Variants in KAZN observed in about 807,000 individuals in gnomAD.
KAZN encodes kazrin, periplakin interacting protein.
A neutral mutation model predicts 87.4 loss-of-function variants in KAZN; 40 were observed. The ratio of observed to expected loss-of-function variants is 0.46; its 90% CI spans 0.36 to 0.60. The LOEUF is 0.60. Ranked by LOEUF, KAZN falls within the 20% of genes least tolerant of loss-of-function variation. The probability of loss-of-function intolerance (pLI) is 0.00; values close to 1 mark genes in which losing one functional copy is unlikely to be tolerated. For synonymous variants in KAZN, 466 were observed against 458.3 expected (o/e 1.02, Z -0.22); for missense variants, 898 against 1,073.9 (o/e 0.84, Z 2.29).
At chr1:14,383,449 G>T (rs1009126226) in intron 2 of KAZN, among the ~76,000 whole-genome samples, 39 of 151,924 alleles carry the variant, frequency 2.6e-4, no homozygotes, top group African/African-American at 9.4e-4. Flanking sequence ...ATGGTTTTAG[G>T]TCTAACATTT....
intron 1 of KAZN, among the ~76,000 whole-genome samples, chr1:14,662,990 A>AT (rs931738656): frequency 6.8e-6 from 1 of 146,352 alleles, no homozygotes; most frequent in Non-Finnish European, 1.5e-5. Flanking sequence ...TATTTTAGAG[A>AT]GGGGGGATCT....
intron 1 of KAZN, among the ~76,000 whole-genome samples, chr1:14,952,832 G>A (rs755077225): frequency 4.6e-5 from 7 of 152,158 alleles, no homozygotes. Context: ...GCCCTTTTCC[G>A]AAATGATCAT....
chr1:14,698,985 A>G (rs539388074), intron 1 of KAZN, among the ~76,000 whole-genome samples: 3 of 151,832 alleles, frequency 2.0e-5, no homozygotes, highest in Non-Finnish European at 4.4e-5. Flanking sequence ...AAGGCTTCCC[A>G]GGTGAAATGG....
chr1:14,851,283 C>A (rs1050540512), intron 1 of KAZN, among the ~76,000 whole-genome samples: 31 of 152,188 alleles, frequency 2.0e-4, no homozygotes, highest in Admixed American at 4.6e-4. Flanking sequence ...CTGCCCAAGA[C>A]GCCGGCTGAT....
chr1:14,048,371 C>T (rs1314647244), intron 1 of KAZN, among the ~76,000 whole-genome samples: 2 of 151,450 alleles, frequency 1.3e-5, no homozygotes, highest in Non-Finnish European at 2.9e-5. Context: ...TTACAGCAAC[C>T]AAACTAATGT....
At chr1:14,242,924 C>T (rs867127769) in intron 2 of KAZN, among the ~76,000 whole-genome samples, 28 of 152,292 alleles carry the variant, frequency 1.8e-4, no homozygotes, top group Middle Eastern at 3.4e-3. Flanking sequence ...TGAAACAAAA[C>T]GTAAGAACAG....
intron 2 of KAZN, among the ~76,000 whole-genome samples, chr1:14,527,163 A>C (rs1671916796): frequency 1.3e-5 from 2 of 152,204 alleles, no homozygotes; most frequent in African/African-American, 4.8e-5. Context: ...AGTCGTAGTC[A>C]GACTGCTGCT....
intron 3 of KAZN, among the ~76,000 whole-genome samples, chr1:15,041,342 T>G (rs1440746354): frequency 1.5e-5 from 2 of 134,152 alleles, no homozygotes; most frequent in Non-Finnish European, 3.4e-5. Context: ...TTTTTTTTTT[T>G]TTTTGTTTTT....
intron 1 of KAZN, among the ~76,000 whole-genome samples, chr1:14,021,834 A>G (rs932992734): frequency 6.6e-6 from 1 of 152,188 alleles, no homozygotes; most frequent in African/African-American, 2.4e-5. Context: ...ATTTGTTCCA[A>G]CAGCTGCATT....
intron 1 of KAZN, among the ~76,000 whole-genome samples, chr1:14,683,060 C>T (rs958020317): frequency 1.3e-5 from 2 of 152,140 alleles, no homozygotes; most frequent in Non-Finnish European, 2.9e-5. Context: ...AGTGCGAGTT[C>T]CCTATCAGAT....
At chr1:14,380,855 A>C (rs1380052712) in intron 2 of KAZN, among the ~76,000 whole-genome samples, 1 of 152,226 alleles carries the variant, frequency 6.6e-6, no homozygotes, top group Non-Finnish European at 1.5e-5. Flanking sequence ...GAAAGATACC[A>C]ATATCCAAAT....
At chr1:14,334,106 C>T (rs1200469369) in intron 2 of KAZN, among the ~76,000 whole-genome samples, 1 of 151,778 alleles carries the variant, frequency 6.6e-6, no homozygotes, top group Non-Finnish European at 1.5e-5. Flanking sequence ...TGGCTCATGC[C>T]TGTAATCCTA....
At chr1:13,901,244 C>T (rs1348048159) in intron 1 of KAZN, among the ~76,000 whole-genome samples, 2 of 152,126 alleles carry the variant, frequency 1.3e-5, no homozygotes, top group African/African-American at 4.8e-5. Context: ...ACAGTATCAA[C>T]GTTCATTCTC....
intron 2 of KAZN, among the ~76,000 whole-genome samples, chr1:14,985,264 G>GAGGCCAAGGTGGT (rs1666680537): frequency 7.0e-6 from 1 of 143,224 alleles, no homozygotes; most frequent in African/African-American, 2.7e-5. Context: ...GCCAAGGTGG[G>GAGGCCAAGGTGGT]AGGCCAAGGT....
intron 1 of KAZN, among the ~76,000 whole-genome samples, chr1:14,120,317 C>G (rs143124538): frequency 3.9e-5 from 6 of 152,040 alleles, no homozygotes; most frequent in Admixed American, 1.3e-4. Flanking sequence ...AACCAGGTCT[C>G]GTGAGAACTC....
chr1:14,326,259 T>C lies in KAZN; in HGVS notation c.249+145667T>C, dbSNP rs372994137. Among the ~76,000 whole-genome samples the C allele has an allele frequency of 2.6e-5, 4 of 152,298 alleles. No individual in the cohort carries two copies. In the East Asian group the frequency reaches 5.8e-4, roughly 22 times the overall value. On this transcript the variant is annotated intron_variant, in intron 2 of 16. Coordinates refer to the KAZN transcript ENST00000636203. ...TCTAAGGAAAAGAGAACTCTATGCT[T>C]CTCATAACTCAGGCTATATACCAAA...
intron 1 of KAZN, among the ~76,000 whole-genome samples, chr1:14,903,931 CA>C (rs1266170470): frequency 6.6e-6 from 1 of 152,184 alleles, no homozygotes; most frequent in African/African-American, 2.4e-5. Context: ...GGATGAGAAG[CA>C]GACTGCGGAA....
At chr1:14,124,042 CT>C (rs1644808686) in intron 1 of KAZN, among the ~76,000 whole-genome samples, 1 of 152,220 alleles carries the variant, frequency 6.6e-6, no homozygotes, top group South Asian at 2.1e-4. Context: ...TCTATGACGA[CT>C]TTTCCCTCCA....
intron 1 of KAZN, among the ~76,000 whole-genome samples, chr1:13,905,525 C>T (rs970192216): frequency 3.3e-5 from 5 of 152,072 alleles, no homozygotes; most frequent in African/African-American, 1.2e-4. Flanking sequence ...CTCCCCGTGC[C>T]TGTGTTCAGG....
Sources: allele counts gnomAD v4.1 joint callset (sites outside exome capture counted in the v4.1 genomes callset), GRCh38; gene constraint gnomAD v4.1.1; transcripts MANE v1.5; gene names NCBI Gene and HGNC (gene_info 2026-07-23, HGNC 2026-07-21).